Variants in WWOX observed in about 807,000 individuals in gnomAD.
WWOX encodes the protein WW domain-containing oxidoreductase.
Under a neutral mutation model 46.2 loss-of-function variants are expected in WWOX, and 69 were observed. That is an observed-to-expected ratio of 1.49 (90% CI 1.23 to 1.82). The LOEUF is 1.82. WWOX is among the 40% of genes most tolerant of loss of function. WWOX has a pLI of 0.00. For missense variants in WWOX, 919 were observed against 542.6 expected, an observed-to-expected ratio of 1.69 and a Z score of -6.89; for synonymous variants, 359 against 202.6, an observed-to-expected ratio of 1.77 and a Z score of -6.56.
chr16:78,150,537 C>T (rs767673902), intron 4 of WWOX, among the ~76,000 whole-genome samples: 1 of 152,144 alleles, frequency 6.6e-6, no homozygotes, highest in African/African-American at 2.4e-5. Context: ...CACCACCATG[C>T]CTGGCTAAGT....
At chr16:78,125,895 T>C (rs2033339667) in intron 4 of WWOX, among the ~76,000 whole-genome samples, 1 of 152,118 alleles carries the variant, frequency 6.6e-6, no homozygotes, top group Non-Finnish European at 1.5e-5. Context: ...TTAAAGGTTA[T>C]TGTGATTAAC....
intron 8 of WWOX, among the ~76,000 whole-genome samples, chr16:78,470,398 C>G (rs1346564022): frequency 2.0e-5 from 3 of 152,212 alleles, no homozygotes; most frequent in Admixed American, 6.5e-5. Flanking sequence ...TTTTCCCCCT[C>G]AAGATCTTTG....
At chr16:78,731,567 C>T (rs1450622353) in intron 8 of WWOX, among the ~76,000 whole-genome samples, 1 of 151,836 alleles carries the variant, frequency 6.6e-6, no homozygotes, top group Non-Finnish European at 1.5e-5. Flanking sequence ...TTCTTTATTT[C>T]CTCGTTTATT....
At chr16:78,877,883 A>T (rs1567620871) in intron 8 of WWOX, among the ~76,000 whole-genome samples, 1 of 152,154 alleles carries the variant, frequency 6.6e-6, no homozygotes, top group Non-Finnish European at 1.5e-5. Flanking sequence ...GCAGCCCAAA[A>T]AGCTAAATGA....
At chr16:78,189,871 A>G (rs1254502447) in intron 5 of WWOX, among the ~76,000 whole-genome samples, 20 of 151,954 alleles carry the variant, frequency 1.3e-4, no homozygotes, top group Admixed American at 1.3e-3. Context: ...GTCAGGTTAG[A>G]CCGGAACTCC....
At chr16:78,798,635 A>T (rs527684477) in intron 8 of WWOX, among the ~76,000 whole-genome samples, 3 of 149,596 alleles carry the variant, frequency 2.0e-5, no homozygotes, top group East Asian at 3.9e-4. Context: ...CTTTCCATAT[A>T]GGTTTTTCTC....
intron 8 of WWOX, among the ~76,000 whole-genome samples, chr16:78,830,046 T>G (rs1408850899): frequency 6.6e-6 from 1 of 151,856 alleles, no homozygotes; most frequent in Non-Finnish European, 1.5e-5. Context: ...TCACTAGAGG[T>G]CAGGAGTTCA....
intron 8 of WWOX, among the ~76,000 whole-genome samples, chr16:78,658,984 T>G: frequency 7.6e-6 from 1 of 131,850 alleles, no homozygotes; most frequent in South Asian, 2.4e-4. Context: ...CCTAGCTACT[T>G]GGGAGGCTGA....
In WWOX at chr16:78,490,593, TG is replaced by T. The variant is rs773782024; in HGVS notation, c.1056+57842del. Among the ~76,000 whole-genome samples the T allele has an allele frequency of 7.2e-5, 11 of 152,338 alleles. No individual in the cohort carries two copies. In the East Asian group the frequency reaches 1.4e-3, roughly 19 times the overall value. The stretch of plus-strand genomic sequence containing the variant: ...GGAGAAAGAAGACAGGGCATTTTGA[TG>T]TGGCCCAGAGACCAAATGAAACAAA... On this transcript the variant is annotated intron_variant, in intron 8 of 8. Transcript: ENST00000566780.
At chr16:79,188,834 C>G (rs904879814) in intron 8 of WWOX, among the ~76,000 whole-genome samples, 1 of 152,206 alleles carries the variant, frequency 6.6e-6, no homozygotes, top group Non-Finnish European at 1.5e-5. Flanking sequence ...GGTTCTCTCA[C>G]CTTGCATTTC....
chr16:78,464,502 T>G (rs2084026447), intron 8 of WWOX, among the ~76,000 whole-genome samples: 1 of 152,156 alleles, frequency 6.6e-6, no homozygotes, highest in Non-Finnish European at 1.5e-5. Context: ...TAGGATTTCT[T>G]GGGTGCTTAC....
At chr16:78,927,617 A>G (rs115104474) in intron 8 of WWOX, among the ~76,000 whole-genome samples, 4 of 152,162 alleles carry the variant, frequency 2.6e-5, no homozygotes, top group South Asian at 2.1e-4. Flanking sequence ...AACTATTTGC[A>G]GTTGTATTTT....
intron 8 of WWOX, among the ~76,000 whole-genome samples, chr16:78,666,829 T>G (rs1290242320): frequency 6.6e-6 from 1 of 152,206 alleles, no homozygotes; most frequent in Non-Finnish European, 1.5e-5. Context: ...TTACATTTAA[T>G]TTTCATGCCA....
At chr16:78,631,162 T>TG (rs34708314) in intron 8 of WWOX, among the ~76,000 whole-genome samples, 12 of 152,200 alleles carry the variant, frequency 7.9e-5, no homozygotes, top group Non-Finnish European at 1.5e-4. Context: ...TTTTGGTATT[T>TG]GGGGGGGTTC....
chr16:78,582,423 G>C (rs973175291), intron 8 of WWOX, among the ~76,000 whole-genome samples: 2 of 152,148 alleles, frequency 1.3e-5, no homozygotes, highest in East Asian at 1.9e-4. Context: ...TAAATGTAGA[G>C]ATTTAGTTTT....
In WWOX at chr16:78,613,720, C is replaced by T. The variant is rs575150282; in HGVS notation, c.1056+180968C>T. Reference sequence around the variant, plus strand: ...GGAGGAAGGCCCCAGCTCTTTGGAACGAACTTTCCAGCCGAGAATGCTTTC... The same window carrying T: ...GGAGGAAGGCCCCAGCTCTTTGGAATGAACTTTCCAGCCGAGAATGCTTTC... On this transcript the variant is annotated intron_variant, in intron 8 of 8. Coordinates refer to ENST00000566780, the MANE Select transcript of WWOX (RefSeq NM_016373.4). 5.3e-5 allele frequency among the ~76,000 whole-genome samples: 8 copies of T among 152,282 alleles called. No homozygotes were observed. The South Asian group carries it at 1.0e-3, about 20-fold the overall frequency.
intron 8 of WWOX, among the ~76,000 whole-genome samples, chr16:78,640,708 G>A (rs1410446643): frequency 6.6e-6 from 1 of 152,100 alleles, no homozygotes; most frequent in East Asian, 1.9e-4. Context: ...GGAGGTCGAG[G>A]CAGGCAGATT....
intron 5 of WWOX, among the ~76,000 whole-genome samples, chr16:78,359,992 C>G (rs1395087281): frequency 6.6e-6 from 1 of 152,132 alleles, no homozygotes. Flanking sequence ...TTTAAATGAG[C>G]TTAGCAGTTC....
At chr16:78,177,526 A>T (rs189481105) in intron 5 of WWOX, among the ~76,000 whole-genome samples, 82 of 152,368 alleles carry the variant, frequency 5.4e-4, no homozygotes, top group Admixed American at 9.8e-4. Flanking sequence ...GCAAGGGTGC[A>T]TCTGGAGCTG....
Sources: gnomAD v4.1 joint callset for allele counts (sites outside exome capture counted in the v4.1 genomes callset) on GRCh38, gnomAD v4.1.1 for gene constraint, MANE v1.5 for transcripts, NCBI Gene and HGNC (gene_info 2026-07-23, HGNC 2026-07-21) for gene names.